The following CLDN14 variants were observed in gnomAD, a reference collection of about 807,000 sequenced individuals.
The protein encoded by CLDN14 is claudin-14.
Under a neutral mutation model 2.1 loss-of-function variants are expected in CLDN14, and 2 were observed. The ratio of observed to expected loss-of-function variants is 0.96; its 90% CI spans 0.39 to 3.01. The LOEUF (loss-of-function observed/expected upper bound fraction) is 3.01. Among genes scored for constraint, CLDN14 ranks in the 30% most tolerant of loss-of-function variants. The pLI, the probability that CLDN14 is intolerant of heterozygous loss-of-function variation, is 0.09. For synonymous variants in CLDN14, 136 were observed against 154.4 expected (o/e 0.88, Z 0.88); for missense variants, 298 against 328.0 (o/e 0.91, Z 0.71).
At chr21:36,529,480 G>A (rs1275471755) in intron 1 of CLDN14, among the ~76,000 whole-genome samples, 2 of 152,078 alleles carry the variant, frequency 1.3e-5, no homozygotes, top group African/African-American at 4.8e-5. Context: ...TAAAGACAGG[G>A]TTTCACCAGG....
At chr21:36,504,956 A>G (rs1261088658) in intron 2 of CLDN14, among the ~76,000 whole-genome samples, 1 of 152,168 alleles carries the variant, frequency 6.6e-6, no homozygotes, top group Non-Finnish European at 1.5e-5. Flanking sequence ...CCCAGTGTTA[A>G]CCCTGGGCAT....
At chr21:36,513,127 G>A (rs776216288) in intron 1 of CLDN14, among the ~76,000 whole-genome samples, 1 of 152,136 alleles carries the variant, frequency 6.6e-6, no homozygotes, top group Non-Finnish European at 1.5e-5. Context: ...AATCATGGTG[G>A]TCCCATCCCA....
In CLDN14 at chr21:36,499,121, A is replaced by G. The variant is rs1010558150; in HGVS notation, c.-82+11242T>C. 1.3e-5 allele frequency among the ~76,000 whole-genome samples: 2 copies of G among 152,210 alleles called. No individual in the cohort carries two copies. The highest frequency in any genetic ancestry group is 4.8e-5 in the African/African-American group (2 of 41,466). ...GAAGGAGGAGTAGAGAGATGATATC[A>G]TTGACCACAGGACTCAAGAAATAAG... On this transcript the variant is annotated intron_variant, in intron 2 of 2. Coordinates refer to the CLDN14 transcript ENST00000342108. This position sits in a 1 kb window ranked among gnomAD's most constrained non-coding sequence, Gnocchi z 4.7.
intron 1 of CLDN14, among the ~76,000 whole-genome samples, chr21:36,561,489 T>A (rs1371291173): frequency 6.6e-6 from 1 of 151,870 alleles, no homozygotes; most frequent in African/African-American, 2.4e-5. Flanking sequence ...GTTCCCGCCA[T>A]AGTGGGCCAC....
At chr21:36,470,990 CA>C (rs1332723342) in intron 1 of CLDN14, among the ~76,000 whole-genome samples, 1 of 151,926 alleles carries the variant, frequency 6.6e-6, no homozygotes, top group Non-Finnish European at 1.5e-5. Context: ...AGCAAACAAA[CA>C]AAAAAACCTC....
chr21:36,560,420 A>G (rs1343153814), intron 1 of CLDN14, among the ~76,000 whole-genome samples: 4 of 152,344 alleles, frequency 2.6e-5, no homozygotes, highest in East Asian at 3.8e-4. Flanking sequence ...TAAAGGACCT[A>G]TATAACAGAT....
chr21:36,493,112 C>T (rs529143229), intron 2 of CLDN14, among the ~76,000 whole-genome samples: 11 of 152,206 alleles, frequency 7.2e-5, no homozygotes, highest in African/African-American at 2.4e-4. Flanking sequence ...GTTTTGTTTA[C>T]CGGTTTGTTT....
intron 2 of CLDN14, among the ~76,000 whole-genome samples, chr21:36,504,417 C>A (rs2087114587): frequency 6.6e-6 from 1 of 152,074 alleles, no homozygotes; most frequent in Admixed American, 6.5e-5. Flanking sequence ...CATTAACTTC[C>A]ACTAGATGCC....
At chr21:36,476,110 G>A (rs903414834) in intron 1 of CLDN14, among the ~76,000 whole-genome samples, 1 of 152,186 alleles carries the variant, frequency 6.6e-6, no homozygotes, top group Admixed American at 6.5e-5. Context: ...CTGAGATGGA[G>A]ACAGGTGTCT....
chr21:36,468,904 C>A (rs149147533), intron 1 of CLDN14, among the ~76,000 whole-genome samples: 3,517 of 151,952 alleles, frequency 0.023, 74 homozygotes, highest in Admixed American at 0.067. Context: ...GGATTACAGG[C>A]CCCCACTACC....
intron 1 of CLDN14, among the ~76,000 whole-genome samples, chr21:36,556,237 T>C (rs567601615): frequency 6.6e-6 from 1 of 152,324 alleles, no homozygotes; most frequent in East Asian, 1.9e-4. Context: ...CTCCAGTACT[T>C]TCTAGTTAAA....
Position 36,568,154 on chromosome 21 carries a change from A to G in CLDN14, c.-220+8257T>C, listed in dbSNP as rs1003935419. 2.0e-5 allele frequency among the ~76,000 whole-genome samples: 3 copies of G among 152,154 alleles called. No homozygotes were observed. In the East Asian group the frequency reaches 5.8e-4, roughly 29 times the overall value. On this transcript the variant is annotated intron_variant, in intron 1 of 2. Coordinates refer to the CLDN14 transcript ENST00000342108. ...GGGGTAAGCCAGCTTGACCAGGCAG[A>G]AACTTGGTTTACCGAGGAATTGCAG...
At chr21:36,533,148 G>C (rs956500884) in intron 1 of CLDN14, among the ~76,000 whole-genome samples, 8 of 152,142 alleles carry the variant, frequency 5.3e-5, no homozygotes, top group Non-Finnish European at 1.2e-4. Flanking sequence ...GTCGGTAATG[G>C]AGCAGGGCTT....
At chr21:36,505,134 A>G (rs1453745710) in intron 2 of CLDN14, among the ~76,000 whole-genome samples, 2 of 152,252 alleles carry the variant, frequency 1.3e-5, no homozygotes, top group African/African-American at 4.8e-5. Flanking sequence ...CCACTATATG[A>G]GAACAGAAAT....
In CLDN14 at chr21:36,461,734, G is replaced by C. The variant is rs1286194263; in HGVS notation, c.-39C>G. 2 of 1,541,960 alleles carry C rather than the reference G, an allele frequency of 1.3e-6. No individual in the cohort carries two copies. Reference sequence around the variant, plus strand: ...GCCTAGGCCAGCCGGGCAGCTCCCTGGGCCCTCGGGGTCACGCCGCTCCTC... The same window carrying C: ...GCCTAGGCCAGCCGGGCAGCTCCCTCGGCCCTCGGGGTCACGCCGCTCCTC... On this transcript the variant is annotated 5_prime_UTR_variant, in exon 2 of 2. Transcript: ENST00000399135.
At chr21:36,528,249 A>G (rs2087350121) in intron 1 of CLDN14, among the ~76,000 whole-genome samples, 1 of 152,192 alleles carries the variant, frequency 6.6e-6, no homozygotes, top group East Asian at 1.9e-4. Context: ...TCAGCCCTTA[A>G]CATGTGCCAG....
upstream of CLDN14, among the ~76,000 whole-genome samples, chr21:36,482,182 A>G (rs1240361852): frequency 1.3e-5 from 2 of 152,218 alleles, no homozygotes; most frequent in African/African-American, 4.8e-5. Context: ...TAATAGTAAA[A>G]CTTCGAATGC....
intron 1 of CLDN14, among the ~76,000 whole-genome samples, chr21:36,560,060 T>A (rs2087623221): frequency 6.6e-6 from 1 of 152,200 alleles, no homozygotes; most frequent in Non-Finnish European, 1.5e-5. Flanking sequence ...ATGTACATAG[T>A]GTAGCAAATT....
At chr21:36,477,641 C>A (rs1214956016) in intron 1 of CLDN14, 1 of 122,210 alleles carries the variant, frequency 8.2e-6, no homozygotes, top group Non-Finnish European at 1.6e-5. Flanking sequence ...CTAAGCCTGG[C>A]AGGTCCCCCC....
Sources: allele counts gnomAD v4.1 joint callset (sites outside exome capture counted in the v4.1 genomes callset), GRCh38; gene constraint gnomAD v4.1.1; non-coding constraint Gnocchi (gnomAD v3.1); transcripts MANE v1.5; gene names NCBI Gene and HGNC (gene_info 2026-07-23, HGNC 2026-07-21).